Variants in FBN2 observed in about 807,000 individuals in gnomAD.
FBN2 encodes the protein fibrillin 2.
FBN2 carries 105 observed loss-of-function variants against 355.6 expected under a neutral mutation model. That is an observed-to-expected ratio of 0.30 (90% CI 0.25 to 0.35). The LOEUF is 0.35. Among genes scored for constraint, FBN2 ranks in the 10% least tolerant of loss-of-function variants. FBN2 has a pLI of 1.00. For missense variants in FBN2, 3,280 were observed against 3,758.7 expected (o/e 0.87, Z 3.33); for synonymous variants, 1,350 against 1,301.2 (o/e 1.04, Z -0.81).
At chr5:128,304,818 A>T in intron 45 of FBN2, 139 bp downstream of exon 45, 1 of 1,074,588 alleles carries the variant, frequency 9.3e-7, no homozygotes, top group Non-Finnish European at 1.4e-6. Context: ...ATCAAGACTT[A>T]AATAGTTTGA....
At chr5:128,378,051 C>T (rs1203996290) in intron 12 of FBN2, among the ~76,000 whole-genome samples, 174 bp from the exon 13 acceptor site, 2 of 122,184 alleles carry the variant, frequency 1.6e-5, no homozygotes, top group African/African-American at 6.0e-5. Flanking sequence ...AGCAATTTTA[C>T]AGCTCTTATA....
In FBN2 at chr5:128,393,209, C is replaced by T. The variant is rs748584140; in HGVS notation, c.1391G>A (p.Gly464Asp). 1.7e-5 allele frequency: 27 copies of T among 1,614,074 alleles called. No homozygotes were observed. Among genetic ancestry groups the T allele is most frequent in the Non-Finnish European group, 2.3e-5 (27 of 1,180,026 alleles). The change falls in exon 10 of 65, where the codon GGC (glycine) becomes GAC (aspartate). Residue 464 changes from glycine (G) to aspartate (D), a missense_variant. This residue lies in a region of FBN2 where 343 missense variants were observed against 331.0 expected (regional missense o/e 1.04). Coordinates refer to ENST00000262464, the MANE Select transcript of FBN2 (RefSeq NM_001999.4). The stretch of plus-strand genomic sequence containing the variant: ...CCCAACGCCAGGAGAAAAGCCATTG[C>T]CTCCAGGGATGGGGATGAAGCCTGT... ...GGTGFIPIPGGNGFSPGVGGA... is the reference protein window; with the variant it reads ...GGTGFIPIPGDNGFSPGVGGA...
At chr5:128,448,712 T>C (rs959795123) in intron 6 of FBN2, among the ~76,000 whole-genome samples, 5 of 152,212 alleles carry the variant, frequency 3.3e-5, no homozygotes, top group Non-Finnish European at 7.3e-5. Context: ...TGTAAAGGAA[T>C]ACTAATTATT....
chr5:128,405,334 A>C (rs1259411503), intron 8 of FBN2, among the ~76,000 whole-genome samples: 2 of 152,206 alleles, frequency 1.3e-5, no homozygotes, highest in Admixed American at 1.3e-4. Flanking sequence ...GGTCTTGTAC[A>C]ACAATGAGGG....
intron 5 of FBN2, 58 bp from the exon 6 acceptor site, chr5:128,464,979 C>A: frequency 1.3e-6 from 2 of 1,494,104 alleles, no homozygotes; most frequent in South Asian, 2.3e-5. Flanking sequence ...AATCTTATAC[C>A]AGTGCCTCCA....
At chr5:128,317,053 C>T (rs1750219864) in intron 36 of FBN2, among the ~76,000 whole-genome samples, 1 of 152,152 alleles carries the variant, frequency 6.6e-6, no homozygotes, top group South Asian at 2.1e-4. Flanking sequence ...TGCTGTGTCT[C>T]TAACGCCAGC....
intron 25 of FBN2, among the ~76,000 whole-genome samples, chr5:128,342,533 A>G (rs1231635495): frequency 6.6e-6 from 1 of 152,062 alleles, no homozygotes; most frequent in African/African-American, 2.4e-5. Context: ...CTGAGGAGAT[A>G]TTTTGAACCT....
At chr5:128,502,207 G>C (rs1755837360) in intron 5 of FBN2, among the ~76,000 whole-genome samples, 3 of 150,428 alleles carry the variant, frequency 2.0e-5, no homozygotes, top group Admixed American at 1.3e-4. Flanking sequence ...AGAAACAATA[G>C]AACGTTTCTC....
chr5:128,338,620 T>C (rs1304891822), intron 26 of FBN2, among the ~76,000 whole-genome samples: 1 of 152,186 alleles, frequency 6.6e-6, no homozygotes, highest in Non-Finnish European at 1.5e-5. Flanking sequence ...ATACAAATCT[T>C]GGGGCCACCA....
intron 5 of FBN2, among the ~76,000 whole-genome samples, chr5:128,510,656 C>T (rs1756088148): frequency 6.6e-6 from 1 of 152,238 alleles, no homozygotes; most frequent in Middle Eastern, 3.4e-3. Context: ...TAAAGAAATT[C>T]TGAGCCTATG....
At chr5:128,459,514 A>T (rs1754500075) in intron 6 of FBN2, among the ~76,000 whole-genome samples, 1 of 151,786 alleles carries the variant, frequency 6.6e-6, no homozygotes, top group African/African-American at 2.4e-5. Context: ...ACAACAAAAA[A>T]CTTGCTAAAA....
chr5:128,272,092 T>C lies in FBN2; in HGVS notation c.7867A>G (p.Arg2623Gly). ...EDVDECDGNH[R>G]CQHGCQNILG... Reference sequence around the variant, plus strand: ...ATGTTCTGGCAGCCGTGTTGGCACCTGTGGTTCCCATCACATTCATCAACA... The same window carrying C: ...ATGTTCTGGCAGCCGTGTTGGCACCCGTGGTTCCCATCACATTCATCAACA... Residue 2623 changes from arginine (R) to glycine (G), a missense_variant, in exon 62 of 65, where the codon AGG becomes GGG. Transcript: ENST00000262464. 1.2e-6 allele frequency: 2 copies of C among 1,614,036 alleles called. No individual in the cohort carries two copies. The highest frequency in any genetic ancestry group is 1.7e-6 in the Non-Finnish European group (2 of 1,179,906).
chr5:128,291,849 G>C (rs1749332107), intron 48 of FBN2, among the ~76,000 whole-genome samples, 195 bp from the exon 49 acceptor site: 3 of 152,106 alleles, frequency 2.0e-5, no homozygotes, highest in Admixed American at 1.3e-4. Context: ...GTGCCAGAGA[G>C]TCCCAAGTCC....
At chr5:128,305,765 AATGCTAT>A in intron 43 of FBN2, 51 bp downstream of exon 43, 1 of 1,603,538 alleles carries the variant, frequency 6.2e-7, no homozygotes, top group Non-Finnish European at 8.5e-7. Flanking sequence ...AAACCATCTA[AATGCTAT>A]ATATGTATAC....
chr5:128,275,893 T>G, intron 59 of FBN2, 145 bp downstream of exon 59: 1 of 899,712 alleles, frequency 1.1e-6, no homozygotes. Context: ...ATTGGTAGAG[T>G]TTTTCTATGA....
chr5:128,363,667 G>A (rs1751696979), intron 18 of FBN2, among the ~76,000 whole-genome samples: 1 of 152,178 alleles, frequency 6.6e-6, no homozygotes, highest in Admixed American at 6.5e-5. Context: ...GAGTCAACAT[G>A]ACCGGTGTCC....
chr5:128,433,281 C>T (rs952212927), intron 7 of FBN2, among the ~76,000 whole-genome samples: 3 of 152,144 alleles, frequency 2.0e-5, no homozygotes, highest in Non-Finnish European at 4.4e-5. Context: ...GGCCTACTTC[C>T]TCTATCAGAG....
chr5:128,434,394 G>GTA (rs6149234), intron 7 of FBN2, among the ~76,000 whole-genome samples: 11,674 of 91,150 alleles, frequency 0.13, 1,251 homozygotes, highest in East Asian at 0.32. Flanking sequence ...AATAAAGTGT[G>GTA]TATATATATA....
At chr5:128,355,101 A>T (rs1163052467) in intron 20 of FBN2, among the ~76,000 whole-genome samples, 1 of 152,252 alleles carries the variant, frequency 6.6e-6, no homozygotes, top group Non-Finnish European at 1.5e-5. Context: ...AAGTGAAAGA[A>T]GAAGAAGATA....
Sources: allele counts gnomAD v4.1 joint callset (sites outside exome capture counted in the v4.1 genomes callset), GRCh38; gene constraint gnomAD v4.1.1; regional missense constraint gnomAD v4.1.1; transcripts MANE v1.5; gene names NCBI Gene and HGNC (gene_info 2026-07-23, HGNC 2026-07-21).